PTPRR: variants seen among roughly 807,000 people sequenced by gnomAD.
PTPRR encodes protein tyrosine phosphatase receptor type R.
In PTPRR, 38 loss-of-function variants were observed where a neutral mutation model predicts 77.2. That is an observed-to-expected ratio of 0.49 (90% CI 0.38 to 0.65). The LOEUF is 0.65. PTPRR is among the 30% of genes least tolerant of loss of function. PTPRR has a pLI of 0.00. For missense variants in PTPRR, 744 were observed against 799.2 expected, an observed-to-expected ratio of 0.93 and a Z score of 0.83; for synonymous variants, 299 against 283.1, an observed-to-expected ratio of 1.06 and a Z score of -0.57.
Position 70,746,064 on chromosome 12 carries a change from C to T in PTPRR, c.761G>A (p.Arg254Lys). 6.2e-7 allele frequency: 1 copy of T among 1,612,510 alleles called. No homozygotes were observed. The highest frequency in any genetic ancestry group is 8.5e-7 in the Non-Finnish European group (1 of 1,178,856). ...GTCTTGTCTTAAGGAAAGCTGAAAT[C>T]TTTCTTTTAATCTGTAAAGAATCTA... is the stretch of plus-strand genomic sequence containing the variant. ...CLMILYRLKE[R>K]FQLSLRQDKE... is the part of the protein sequence containing the mutation. The change falls in exon 6 of 14, where the codon AGA (arginine) becomes AAA (lysine). Residue 254 changes from arginine (R) to lysine (K), a missense_variant. Around this residue, in one of 3 missense-constraint regions of PTPRR, gnomAD observed 570 missense variants for 573.2 expected, o/e 0.99. Transcript: ENST00000283228.
rs532285472 is a variant in PTPRR, at chr12:70,804,861, A to G, written c.358-40083T>C. 9.8e-5 allele frequency among the ~76,000 whole-genome samples: 15 copies of G among 152,320 alleles called. No individual in the cohort carries two copies. In the South Asian group the frequency reaches 2.1e-3, roughly 21 times the overall value. ...CAGAAACTCAAATTTCAAGATGATCATTGCTACAAAAAGAAAGTTTTAGTT... is the reference window on the plus strand; with the variant it reads ...CAGAAACTCAAATTTCAAGATGATCGTTGCTACAAAAAGAAAGTTTTAGTT... On this transcript the variant is annotated intron_variant, in intron 2 of 13. Coordinates refer to ENST00000283228, the MANE Select transcript of PTPRR (RefSeq NM_002849.4).
intron 6 of PTPRR, among the ~76,000 whole-genome samples, chr12:70,715,373 G>C (rs74903896): frequency 2.0e-5 from 3 of 152,166 alleles, no homozygotes; most frequent in Admixed American, 6.5e-5. Context: ...CTACAGGACC[G>C]GGGCAAAGTT....
At chr12:70,770,935 A>G (rs1890957237) in intron 2 of PTPRR, among the ~76,000 whole-genome samples, 1 of 143,994 alleles carries the variant, frequency 6.9e-6, no homozygotes. Context: ...ATTCTCACTC[A>G]TAGGTGGGAA....
chr12:70,913,928 T>C (rs554721203), intron 1 of PTPRR, among the ~76,000 whole-genome samples: 25 of 152,284 alleles, frequency 1.6e-4, no homozygotes, highest in Middle Eastern at 3.4e-3. Flanking sequence ...GGAATAAGTA[T>C]ATAGAAATAA....
intron 2 of PTPRR, 24 bp downstream of exon 2, chr12:70,892,655 G>T: frequency 1.2e-6 from 2 of 1,605,838 alleles, no homozygotes; most frequent in East Asian, 4.5e-5. Context: ...ATCAGCCTCA[G>T]CATCAGTTTA....
chr12:70,656,146 A>T (rs1358764422), intron 13 of PTPRR, among the ~76,000 whole-genome samples: 1 of 152,192 alleles, frequency 6.6e-6, no homozygotes, highest in African/African-American at 2.4e-5. Context: ...TGAGCCCAGG[A>T]AGTCTAGGCT....
intron 6 of PTPRR, among the ~76,000 whole-genome samples, chr12:70,728,327 T>C (rs1373111077): frequency 7.7e-6 from 1 of 130,712 alleles, no homozygotes; most frequent in African/African-American, 2.9e-5. Flanking sequence ...TCTAGATATA[T>C]ATATATGGCA....
intron 2 of PTPRR, among the ~76,000 whole-genome samples, chr12:70,775,045 T>C (rs1456861686): frequency 1.3e-5 from 2 of 152,234 alleles, no homozygotes; most frequent in Non-Finnish European, 2.9e-5. Context: ...ACATTTAACA[T>C]ACAAATGATT....
rs376394914 is a variant in PTPRR, at chr12:70,892,668, A to G, written c.357+11T>C. On this transcript the variant is annotated intron_variant, in intron 2 of 13. Coordinates refer to ENST00000283228, the MANE Select transcript of PTPRR (RefSeq NM_002849.4). ...ACATCAGCCTCAGCATCAGTTTAAC[A>G]TACTACTTACCACCACAATTACATT... The G allele has an allele frequency of 6.8e-6, 11 of 1,612,264 alleles. No homozygotes were observed. The East Asian group carries it at 2.0e-4, about 29-fold the overall frequency.
chr12:70,716,113 G>T (rs1363262521), intron 6 of PTPRR, among the ~76,000 whole-genome samples: 2 of 152,130 alleles, frequency 1.3e-5, no homozygotes, highest in South Asian at 2.1e-4. Context: ...TCCGTTTGGG[G>T]TCCCTGACTT....
At chr12:70,739,117 AATGTT>A (rs1889965736) in intron 6 of PTPRR, among the ~76,000 whole-genome samples, 1 of 152,228 alleles carries the variant, frequency 6.6e-6, no homozygotes, top group Non-Finnish European at 1.5e-5. Flanking sequence ...TTAAAAATAT[AATGTT>A]ATATGACAGG....
chr12:70,681,660 G>T (rs934287193), intron 10 of PTPRR, among the ~76,000 whole-genome samples: 6 of 152,168 alleles, frequency 3.9e-5, no homozygotes, highest in African/African-American at 1.4e-4. Context: ...AAACACTCCA[G>T]TTCAAACATA....
chr12:70,642,233 C>T (rs759359043), intron 13 of PTPRR, among the ~76,000 whole-genome samples: 1 of 151,876 alleles, frequency 6.6e-6, no homozygotes, highest in Admixed American at 6.6e-5. Context: ...AAAAAGTCAA[C>T]AAGACTTTTT....
chr12:70,720,260 T>C (rs1889197723), intron 6 of PTPRR, among the ~76,000 whole-genome samples: 1 of 152,184 alleles, frequency 6.6e-6, no homozygotes, highest in Non-Finnish European at 1.5e-5. Flanking sequence ...TGCAGTAATG[T>C]ACTCTGCGAC....
chr12:70,665,533 C>A (rs1285618036), intron 10 of PTPRR, among the ~76,000 whole-genome samples: 1 of 151,486 alleles, frequency 6.6e-6, no homozygotes, highest in Non-Finnish European at 1.5e-5. Context: ...AGGTGTGCAC[C>A]ATCACGCCCA....
At chr12:70,816,208 G>T (rs1891899822) in intron 2 of PTPRR, among the ~76,000 whole-genome samples, 1 of 151,844 alleles carries the variant, frequency 6.6e-6, no homozygotes, top group Admixed American at 6.6e-5. Context: ...TCACACTGTG[G>T]TGCACAAATA....
chr12:70,707,532 AC>A (rs1327198771), intron 6 of PTPRR, among the ~76,000 whole-genome samples: 1 of 152,066 alleles, frequency 6.6e-6, no homozygotes, highest in Non-Finnish European at 1.5e-5. Context: ...TTTAACCAAT[AC>A]TTTATTTTTG....
intron 2 of PTPRR, among the ~76,000 whole-genome samples, chr12:70,783,647 G>T (rs966253139): frequency 1.3e-5 from 2 of 151,860 alleles, no homozygotes; most frequent in Non-Finnish European, 2.9e-5. Context: ...TCCTGCTCTG[G>T]GTCTGCAGGA....
At position 70,743,279 on chromosome 12, in the gene PTPRR, G is replaced by A. The variant is rs146402169; in HGVS notation, c.1007+2539C>T. Among the ~76,000 whole-genome samples, 123 of 152,304 alleles carry A rather than the reference G, an allele frequency of 8.1e-4. 1 individual carries two copies. Among genetic ancestry groups the A allele is most frequent in the African/African-American group, 2.9e-3 (121 of 41,572 alleles). ...TAGTGCTAGATGGGAAATGAAACAT[G>A]TGCTTTGGATTTGGTAGTGAGACCA... On this transcript the variant is annotated intron_variant, in intron 6 of 13. Coordinates refer to ENST00000283228, the MANE Select transcript of PTPRR (RefSeq NM_002849.4).
Sources: allele counts gnomAD v4.1 joint callset (sites outside exome capture counted in the v4.1 genomes callset), GRCh38; gene constraint gnomAD v4.1.1; regional missense constraint gnomAD v4.1.1; transcripts MANE v1.5; gene names NCBI Gene and HGNC (gene_info 2026-07-23, HGNC 2026-07-21).